Variants in CPS1 observed in about 807,000 individuals in gnomAD.
CPS1 encodes carbamoyl-phosphate synthase 1.
In CPS1, 109 loss-of-function variants were observed where a neutral mutation model predicts 174.6. The ratio of observed to expected loss-of-function variants is 0.62; its 90% CI spans 0.53 to 0.73. The LOEUF (loss-of-function observed/expected upper bound fraction) is 0.73. CPS1 is among the 30% of genes least tolerant of loss of function. The probability of loss-of-function intolerance (pLI) is 0.00; values close to 1 mark genes in which losing one functional copy is unlikely to be tolerated. For missense variants in CPS1, 1,689 were observed against 1,821.9 expected (o/e 0.93, Z 1.33); for synonymous variants, 637 against 632.0 (o/e 1.01, Z -0.12).
intron 10 of CPS1, among the ~76,000 whole-genome samples, 161 bp from the exon 11 acceptor site, chr2:210,592,718 T>G (rs1013302703): frequency 6.6e-6 from 1 of 152,034 alleles, no homozygotes; most frequent in Non-Finnish European, 1.5e-5. Context: ...GTCCTTAAGA[T>G]ATCGGACCAT....
upstream of CPS1, among the ~76,000 whole-genome samples, chr2:210,554,117 GTATGTATATATACATACATATATA>G (rs1696810275): frequency 7.2e-6 from 1 of 138,138 alleles, no homozygotes; most frequent in Admixed American, 7.5e-5. Context: ...ATATATATAT[GTATGTATATATACATACATATATA>G]TATGTATATA....
chr2:210,648,610 C>G, intron 27 of CPS1, 70 bp downstream of exon 27: 1 of 1,134,380 alleles, frequency 8.8e-7, no homozygotes, highest in African/African-American at 1.5e-5. Context: ...ATGCTGTATG[C>G]TAATAGCACT....
chr2:210,512,789 G>A (rs1695538177), intron 1 of CPS1, among the ~76,000 whole-genome samples: 2 of 115,534 alleles, frequency 1.7e-5, no homozygotes, highest in African/African-American at 3.2e-5. Context: ...TATATATGGA[G>A]AGAGAGATAT....
At position 210,478,558 on chromosome 2, in the gene CPS1, T is replaced by G. The variant is rs151011147; in HGVS notation, c.3+792T>G. ...CTTTCACTTTAGTTATTGTAGATAC[T>G]TTCTTTAGTTTGTTCACATTTTCTA... On this transcript the variant is annotated intron_variant, in intron 1 of 38. Coordinates refer to the CPS1 transcript ENST00000430249. 9.7e-3 allele frequency among the ~76,000 whole-genome samples: 1,470 copies of G among 152,322 alleles called. 19 individuals are homozygous for G. Among genetic ancestry groups the G allele is most frequent in the African/African-American group, 0.033 (1,380 of 41,556 alleles).
chr2:210,612,603 T>A (rs1390513865), intron 20 of CPS1, among the ~76,000 whole-genome samples: 1 of 151,996 alleles, frequency 6.6e-6, no homozygotes, highest in Non-Finnish European at 1.5e-5. Context: ...CAAGTAGATT[T>A]GACTATATTG....
Position 210,675,764 on chromosome 2 carries a change from GCCAACAAT to G in CPS1, c.4199_4206del (p.Ala1400GlyfsTer26), listed in dbSNP as rs1701506963. Reference sequence around the variant, plus strand: ...GGAAGCCACATCAGACTGGCTCAACGCCAACAATGTCCCTGCCACCCCAGTGGCATGGC... The same window carrying G: ...GGAAGCCACATCAGACTGGCTCAACGGTCCCTGCCACCCCAGTGGCATGGC... On this transcript the variant is annotated frameshift_variant, in exon 36 of 38. Transcript: ENST00000233072. LOFTEE classifies it high-confidence loss of function. 1.2e-6 allele frequency: 2 copies of G among 1,609,132 alleles called. No individual in the cohort carries two copies. The highest frequency in any genetic ancestry group is 1.7e-6 in the Non-Finnish European group (2 of 1,175,610).
chr2:210,587,045 C>A (rs1698134487), intron 6 of CPS1, among the ~76,000 whole-genome samples: 2 of 144,830 alleles, frequency 1.4e-5, no homozygotes, highest in Non-Finnish European at 3.0e-5. Context: ...AGCAATAACT[C>A]CCCCCAGATC....
chr2:210,495,348 A>G (rs1188529131), intron 1 of CPS1, among the ~76,000 whole-genome samples: 1 of 152,180 alleles, frequency 6.6e-6, no homozygotes, highest in African/African-American at 2.4e-5. Flanking sequence ...GAGAACTGGC[A>G]TCTTTCTGTG....
At chr2:210,603,228 T>C (rs1360215442) in intron 16 of CPS1, among the ~76,000 whole-genome samples, 1 of 151,914 alleles carries the variant, frequency 6.6e-6, no homozygotes, top group Non-Finnish European at 1.5e-5. Context: ...TTGGGAATTA[T>C]TTAGGAAATA....
chr2:210,652,456 A>T (rs1700587125), intron 28 of CPS1, among the ~76,000 whole-genome samples: 1 of 152,248 alleles, frequency 6.6e-6, no homozygotes, highest in African/African-American at 2.4e-5. Context: ...TAGAGTAATG[A>T]CACTAAAGAT....
chr2:210,620,442 G>A (rs1016462965), intron 21 of CPS1, among the ~76,000 whole-genome samples: 1 of 151,984 alleles, frequency 6.6e-6, no homozygotes, highest in African/African-American at 2.4e-5. Context: ...GAGACAAGAG[G>A]GATAGGTGTA....
chr2:210,604,437 C>T (rs1429524163), intron 16 of CPS1, among the ~76,000 whole-genome samples: 1 of 151,754 alleles, frequency 6.6e-6, no homozygotes, highest in Non-Finnish European at 1.5e-5. Context: ...AGTATTCTAC[C>T]CATTGTGGGT....
chr2:210,651,476 T>G (rs1700556799), intron 28 of CPS1, among the ~76,000 whole-genome samples: 2 of 152,062 alleles, frequency 1.3e-5, no homozygotes, highest in Admixed American at 6.6e-5. Flanking sequence ...ACTAATGGAG[T>G]GAGACACCAA....
chr2:210,524,473 A>G (rs1030597648), intron 1 of CPS1, among the ~76,000 whole-genome samples: 10 of 152,020 alleles, frequency 6.6e-5, no homozygotes, highest in Admixed American at 1.3e-4. Flanking sequence ...TACCGAAATA[A>G]TGCAAAGTAG....
intron 1 of CPS1, among the ~76,000 whole-genome samples, chr2:210,517,849 G>A (rs780808408): frequency 3.5e-4 from 53 of 152,058 alleles, no homozygotes; most frequent in Non-Finnish European, 6.6e-4. Context: ...AGTTTGAACT[G>A]GCCAACCAAA....
chr2:210,577,287 T>G (rs995734492), intron 3 of CPS1, 134 bp from the exon 4 acceptor site: 131 of 717,926 alleles, frequency 1.8e-4, no homozygotes, highest in Non-Finnish European at 3.0e-4. Context: ...TTTTTTTTTT[T>G]GCCTCTTGTT....
At position 210,595,467 on chromosome 2, in the gene CPS1, C is replaced by T. The variant is rs1002781872; in HGVS notation, c.1264-20C>T. Reference sequence around the variant, plus strand: ...CCCATTTTAGCAGTAATAACAGTGTCTTTTTCTTATTGCTTATAGGTTTCC... The same window carrying T: ...CCCATTTTAGCAGTAATAACAGTGTTTTTTTCTTATTGCTTATAGGTTTCC... On this transcript the variant is annotated intron_variant, in intron 12 of 37. Coordinates refer to ENST00000233072, the MANE Select transcript of CPS1 (RefSeq NM_001875.5). 2 of 1,550,600 alleles carry T rather than the reference C, an allele frequency of 1.3e-6. No individual in the cohort carries two copies. The highest frequency in any genetic ancestry group is 1.8e-6 in the Non-Finnish European group (2 of 1,123,188).
intron 1 of CPS1, among the ~76,000 whole-genome samples, chr2:210,544,314 G>A (rs1323068107): frequency 6.6e-6 from 1 of 152,030 alleles, no homozygotes; most frequent in African/African-American, 2.4e-5. Flanking sequence ...CTCATTTGAT[G>A]AGGTACATCT....
At chr2:210,494,737 G>A (rs1307696204) in intron 1 of CPS1, among the ~76,000 whole-genome samples, 1 of 152,126 alleles carries the variant, frequency 6.6e-6, no homozygotes, top group African/African-American at 2.4e-5. Context: ...TTTTTGTAGT[G>A]AGCTCTGTTT....
Sources: allele counts gnomAD v4.1 joint callset (sites outside exome capture counted in the v4.1 genomes callset), GRCh38; gene constraint gnomAD v4.1.1; transcripts MANE v1.5; gene names NCBI Gene and HGNC (gene_info 2026-07-23, HGNC 2026-07-21).